Variants in DCLK1 observed in about 807,000 individuals in gnomAD.
DCLK1 encodes serine/threonine-protein kinase DCLK1.
Under a neutral mutation model 86.2 loss-of-function variants are expected in DCLK1, and 16 were observed. The observed-to-expected ratio is 0.19, with a 90% CI of 0.13 to 0.28. DCLK1 has a LOEUF of 0.28. Ranked by LOEUF, DCLK1 falls within the 10% of genes least tolerant of loss-of-function variation. DCLK1 has a pLI of 1.00. For synonymous variants in DCLK1, 369 were observed against 370.5 expected (o/e 1.00, Z 0.05); for missense variants, 590 against 940.2 (o/e 0.63, Z 4.87).
intron 4 of DCLK1, among the ~76,000 whole-genome samples, chr13:35,932,992 T>A (rs963585135): frequency 1.4e-4 from 22 of 152,196 alleles, no homozygotes; most frequent in Non-Finnish European, 2.9e-4. Flanking sequence ...GTAAGTTAGT[T>A]ACTTCCTAGA....
At chr13:36,061,478 G>A (rs576260314) in intron 3 of DCLK1, among the ~76,000 whole-genome samples, 3 of 152,250 alleles carry the variant, frequency 2.0e-5, no homozygotes, top group Admixed American at 6.5e-5. Flanking sequence ...CAATAAAACT[G>A]TAAGCAAAAC....
intron 4 of DCLK1, among the ~76,000 whole-genome samples, chr13:35,883,163 G>T (rs1444360595): frequency 6.6e-6 from 1 of 152,138 alleles, no homozygotes; most frequent in African/African-American, 2.4e-5. Context: ...AAGTTAGGAG[G>T]GGTTTAAGCA....
chr13:35,853,151 A>G (rs1017395385), intron 6 of DCLK1, among the ~76,000 whole-genome samples: 10 of 152,232 alleles, frequency 6.6e-5, no homozygotes, highest in Non-Finnish European at 1.2e-4. Context: ...AGTTGTTCAC[A>G]AATGATTCCA....
chr13:35,984,572 C>T (rs1307123504), intron 3 of DCLK1, among the ~76,000 whole-genome samples: 1 of 152,184 alleles, frequency 6.6e-6, no homozygotes, highest in Non-Finnish European at 1.5e-5. Flanking sequence ...GAACCGTCTG[C>T]CTCTGCTCGC....
intron 8 of DCLK1, among the ~76,000 whole-genome samples, chr13:35,831,355 A>G (rs1345360187): frequency 1.3e-5 from 2 of 152,240 alleles, no homozygotes; most frequent in African/African-American, 4.8e-5. Flanking sequence ...TAGCTAGTCT[A>G]GAAAGTGTGC....
intron 6 of DCLK1, among the ~76,000 whole-genome samples, chr13:35,844,671 C>A (rs1005059578): frequency 2.0e-5 from 3 of 152,156 alleles, no homozygotes; most frequent in African/African-American, 7.2e-5. Context: ...ATGAAGGGAG[C>A]TCACTAGTCT....
At chr13:36,058,920 T>C (rs998375452) in intron 3 of DCLK1, among the ~76,000 whole-genome samples, 1 of 152,182 alleles carries the variant, frequency 6.6e-6, no homozygotes, top group Non-Finnish European at 1.5e-5. Context: ...AAGTTAGTAA[T>C]GATCAGAATA....
At chr13:36,048,993 T>C (rs115902180) in intron 3 of DCLK1, among the ~76,000 whole-genome samples, 129 of 152,300 alleles carry the variant, frequency 8.5e-4, no homozygotes, top group African/African-American at 2.8e-3. Context: ...TTCCTACCCA[T>C]GATGATTTAC....
chr13:35,847,960 C>G, intron 6 of DCLK1: 1 of 985,274 alleles, frequency 1.0e-6, no homozygotes, highest in Non-Finnish European at 1.2e-6. Flanking sequence ...CTTTTGAGTT[C>G]ACACTGAACT....
At chr13:35,788,358 T>C (rs903222112) in intron 16 of DCLK1, 51 of 1,345,462 alleles carry the variant, frequency 3.8e-5, no homozygotes, top group Non-Finnish European at 5.4e-5. Context: ...GACCAAGCTG[T>C]TCTTCATTGA....
At chr13:36,059,957 C>T (rs1366300715) in intron 3 of DCLK1, among the ~76,000 whole-genome samples, 1 of 151,740 alleles carries the variant, frequency 6.6e-6, no homozygotes, top group African/African-American at 2.4e-5. Context: ...CTGCAACCTC[C>T]ACCTCCTGAG....
chr13:36,018,740 A>C (rs1881635809), intron 3 of DCLK1, among the ~76,000 whole-genome samples: 1 of 152,216 alleles, frequency 6.6e-6, no homozygotes, highest in Non-Finnish European at 1.5e-5. Flanking sequence ...AATGTTGGGC[A>C]AAATTTTAAA....
At chr13:35,922,313 C>G (rs950676226) in intron 4 of DCLK1, among the ~76,000 whole-genome samples, 1 of 152,142 alleles carries the variant, frequency 6.6e-6, no homozygotes, top group Non-Finnish European at 1.5e-5. Context: ...TTATCTTCTA[C>G]CTATTACCTT....
chr13:35,928,411 G>T (rs1306855179), intron 4 of DCLK1, among the ~76,000 whole-genome samples: 1 of 152,052 alleles, frequency 6.6e-6, no homozygotes, highest in African/African-American at 2.4e-5. Context: ...CTTGCTTCTG[G>T]GTCCTGCATG....
chr13:35,839,414 GTTCCGTGAC>G (rs1390638252), intron 6 of DCLK1, among the ~76,000 whole-genome samples: 8 of 152,172 alleles, frequency 5.3e-5, no homozygotes. Flanking sequence ...GAACTTGAAT[GTTCCGTGAC>G]TTCTTATTCC....
chr13:35,934,900 T>A (rs988290690), intron 4 of DCLK1, among the ~76,000 whole-genome samples: 84 of 151,606 alleles, frequency 5.5e-4, no homozygotes, highest in Middle Eastern at 3.4e-3. Flanking sequence ...AGATGCATTT[T>A]AAAAAAAAAT....
chr13:36,056,734 T>A (rs1459534267), intron 3 of DCLK1, among the ~76,000 whole-genome samples: 3 of 150,554 alleles, frequency 2.0e-5, no homozygotes, highest in African/African-American at 7.3e-5. Context: ...TGTATGCATG[T>A]GTGTGTATAT....
At chr13:36,031,750 T>C (rs1882282487) in intron 3 of DCLK1, among the ~76,000 whole-genome samples, 1 of 152,228 alleles carries the variant, frequency 6.6e-6, no homozygotes, top group African/African-American at 2.4e-5. Context: ...TCTGATCCCC[T>C]ATGCGATTTG....
chr13:35,896,961 C>G (rs1874040678), intron 4 of DCLK1, among the ~76,000 whole-genome samples: 1 of 152,072 alleles, frequency 6.6e-6, no homozygotes, highest in South Asian at 2.1e-4. Flanking sequence ...CAGAGATAAA[C>G]TAGGTGAAGA....
Sources: gnomAD v4.1 joint callset for allele counts (sites outside exome capture counted in the v4.1 genomes callset) on GRCh38, gnomAD v4.1.1 for gene constraint, MANE v1.5 for transcripts, NCBI Gene and HGNC (gene_info 2026-07-23, HGNC 2026-07-21) for gene names.